The following ROS1 variants were observed in gnomAD, a reference collection of about 807,000 sequenced individuals.
ROS1 encodes the protein ROS proto-oncogene 1, receptor tyrosine kinase.
ROS1 carries 263 observed loss-of-function variants against 273.5 expected under a neutral mutation model. The ratio of observed to expected loss-of-function variants is 0.96; its 90% CI spans 0.87 to 1.06. ROS1 has a LOEUF of 1.06. Ranked by LOEUF, ROS1 falls within the 50% of genes least tolerant of loss-of-function variation. The pLI, the probability that ROS1 is intolerant of heterozygous loss-of-function variation, is 0.00. For synonymous variants in ROS1, 1,008 were observed against 954.1 expected, an observed-to-expected ratio of 1.06 and a Z score of -1.04; for missense variants, 2,833 against 2,751.1, an observed-to-expected ratio of 1.03 and a Z score of -0.67.
rs2128563211 is a variant in ROS1 at position 117,321,271 on chromosome 6, C to T, written c.5747G>A (p.Cys1916Tyr). The change falls in exon 36 of 44, where the codon TGC becomes TAC. Residue 1916 changes from cysteine (C) to tyrosine (Y), a missense_variant. Transcript: ENST00000368507. ...LAAGVGLANA[C>Y]YAIHTLPTQE... ...CAAAGCTACATACTGTATTGCATAG[C>T]AGGCATTAGCCAGGCCTACTCCGGC... The T allele has an allele frequency of 1.2e-6, 2 of 1,613,704 alleles. No individual in the cohort carries two copies. The highest frequency in any genetic ancestry group is 1.7e-6 in the Non-Finnish European group (2 of 1,179,832).
intron 43 of ROS1, among the ~76,000 whole-genome samples, chr6:117,289,292 T>A (rs1773657343): frequency 6.6e-6 from 1 of 152,256 alleles, no homozygotes; most frequent in Non-Finnish European, 1.5e-5. Flanking sequence ...TAATGTAATA[T>A]TTACTGATGA....
intron 4 of ROS1, among the ~76,000 whole-genome samples, chr6:117,410,230 C>T (rs1354303381): frequency 3.3e-5 from 5 of 152,130 alleles, no homozygotes; most frequent in African/African-American, 2.4e-5. Context: ...TGTGTCACAT[C>T]GTATGGTTTG....
At position 117,387,919 on chromosome 6, in the gene ROS1, A is replaced by T. The variant is rs762234724; in HGVS notation, c.1860T>A (p.Ile620=). The change falls in exon 14 of 44, where the codon ATT becomes ATA. Residue 620 remains isoleucine (I), a synonymous_variant. Coordinates refer to ENST00000368507, the MANE Select transcript of ROS1 (RefSeq NM_001378902.1). ...GCATGGTTCCACTTATGTTCAAGAA[A>T]ATATGAGTGACTTCAGGAGGGTCTT... ...STQDPPEVTH[I]FLNISGTMLN... 19 of 1,614,090 alleles carry T rather than the reference A, an allele frequency of 1.2e-5. No individual in the cohort carries two copies. Among genetic ancestry groups the T allele is most frequent in the Non-Finnish European group, 1.5e-5 (18 of 1,180,032 alleles).
intron 32 of ROS1, among the ~76,000 whole-genome samples, chr6:117,331,183 T>C (rs370039152): frequency 1.3e-5 from 2 of 152,214 alleles, no homozygotes; most frequent in East Asian, 1.9e-4. Flanking sequence ...GCACAAGAAC[T>C]TCGTGAAGCA....
At chr6:117,397,495 C>T (rs1465612119) in intron 7 of ROS1, among the ~76,000 whole-genome samples, 1 of 152,054 alleles carries the variant, frequency 6.6e-6, no homozygotes, top group Non-Finnish European at 1.5e-5. Context: ...AGTCAATGAT[C>T]GACGAGTTTA....
In ROS1 at chr6:117,389,764, T is replaced by C. The variant is rs772798392; in HGVS notation, c.1372A>G (p.Ile458Val). ...PSGRCAEAVR[I>V]VESCTLKDFA... Reference sequence around the variant, plus strand: ...TCCTTTAACGTGCAACTCTCCACAATACGCACAGCTTCTGCACACCGGCCA... The same window carrying C: ...TCCTTTAACGTGCAACTCTCCACAACACGCACAGCTTCTGCACACCGGCCA... Residue 458 changes from isoleucine to valine, a missense_variant, in exon 13 of 44, where the codon ATT becomes GTT. Transcript: ENST00000368507. 7.4e-6 allele frequency: 12 copies of C among 1,614,050 alleles called. No homozygotes were observed. Among genetic ancestry groups the C allele is most frequent in the Non-Finnish European group, 1.7e-6 (2 of 1,180,030 alleles).
At chr6:117,393,030 T>C (rs959430368) in intron 12 of ROS1, among the ~76,000 whole-genome samples, 194 bp downstream of exon 12, 18 of 152,308 alleles carry the variant, frequency 1.2e-4, no homozygotes, top group African/African-American at 4.3e-4. Flanking sequence ...TTATAAGAGT[T>C]GATTTATGTT....
chr6:117,341,213 T>C lies in ROS1; in HGVS notation c.4983A>G (p.Pro1661=). The C allele has an allele frequency of 6.2e-7, 1 of 1,613,570 alleles. No individual in the cohort carries two copies. Among genetic ancestry groups the C allele is most frequent in the Non-Finnish European group, 8.5e-7 (1 of 1,179,608 alleles). ...AATTAAATTGCAAACTAGTGTTCTC[T>C]GGAACCAAGGAATAAGGTTTCTCTG... ...NTPEKPYSLV[P]ENTSLQFNWK... Residue 1661 remains proline, a synonymous_variant, in exon 31 of 44, where the codon CCA becomes CCG. Coordinates refer to ENST00000368507, the MANE Select transcript of ROS1 (RefSeq NM_001378902.1).
rs182897747 is a variant in ROS1, at chr6:117,374,185, C to A, written c.2582+4874G>T. ...CAAAAAAGAGCCCATATAGCCAAAG[C>A]AAGACTAAGCAAAAAGAACAAATCT... On this transcript the variant is annotated intron_variant, in intron 18 of 43. Transcript: ENST00000368507. 3.1e-3 allele frequency among the ~76,000 whole-genome samples: 479 copies of A among 152,220 alleles called. 2 individuals are homozygous for A. Among genetic ancestry groups the A allele is most frequent in the African/African-American group, 0.011 (456 of 41,532 alleles).
Position 117,387,888 on chromosome 6 carries a change from C to A in ROS1, c.1891G>T (p.Val631Leu). 1 of 1,614,194 alleles carries A rather than the reference C, an allele frequency of 6.2e-7. No homozygotes were observed. Among genetic ancestry groups the A allele is most frequent in the Non-Finnish European group, 8.5e-7 (1 of 1,180,030 alleles). ...TTCATAGCACTCTGCAGCTCAGGTA[C>A]ATTCAGCATGGTTCCACTTATGTTC... ...FLNISGTMLN[V>L]PELQSAMKYK... Residue 631 changes from valine to leucine, a missense_variant, in exon 14 of 44, where the codon GTA becomes TTA. Val to Leu is a conservative substitution (Grantham distance 32, BLOSUM62 1). Transcript: ENST00000368507.
At chr6:117,300,829 C>T (rs1774660739) in intron 43 of ROS1, 145 bp downstream of exon 43, 3 of 517,546 alleles carry the variant, frequency 5.8e-6, no homozygotes, top group Non-Finnish European at 9.6e-6. Flanking sequence ...AAGAGGAATG[C>T]AATAAACACT....
At position 117,318,946 on chromosome 6, in the gene ROS1, A is replaced by G. The variant is rs1205819113; in HGVS notation, c.5923-694T>C. Among the ~76,000 whole-genome samples the G allele has an allele frequency of 3.3e-5, 5 of 152,176 alleles. 1 individual carries two copies. Among genetic ancestry groups the G allele is most frequent in the Non-Finnish European group, 7.4e-5 (5 of 68,020 alleles). Reference sequence around the variant, plus strand: ...TGACACACTATCCTGAACCAAAGCCAGCAGTCATCTTGTTACATGAGAGAA... The same window carrying G: ...TGACACACTATCCTGAACCAAAGCCGGCAGTCATCTTGTTACATGAGAGAA... On this transcript the variant is annotated intron_variant, in intron 37 of 43. Transcript: ENST00000368507.
chr6:117,371,993 G>C (rs1189585220), intron 18 of ROS1, among the ~76,000 whole-genome samples: 1 of 152,154 alleles, frequency 6.6e-6, no homozygotes, highest in Non-Finnish European at 1.5e-5. Flanking sequence ...AATCCTGGTA[G>C]CTGAAGACAA....
intron 1 of ROS1, among the ~76,000 whole-genome samples, chr6:117,425,215 T>C (rs373974344): frequency 2.0e-5 from 3 of 152,186 alleles, no homozygotes; most frequent in African/African-American, 4.8e-5. Context: ...CTAATGACTT[T>C]GTAATAAATA....
rs563022236 is a variant in ROS1 at position 117,382,240 on chromosome 6, A to G, written c.2481+1077T>C. Among the ~76,000 whole-genome samples the G allele has an allele frequency of 3.9e-5, 6 of 152,314 alleles. No individual in the cohort carries two copies. In the South Asian group the frequency reaches 1.2e-3, roughly 32 times the overall value. On this transcript the variant is annotated intron_variant, in intron 17 of 43. Coordinates refer to ENST00000368507, the MANE Select transcript of ROS1 (RefSeq NM_001378902.1). ...TTGACAAGAATGATTGTCTTTGGATATGGTACATAAATTTCCATCTCTTTT... is the reference window on the plus strand; with the variant it reads ...TTGACAAGAATGATTGTCTTTGGATGTGGTACATAAATTTCCATCTCTTTT...
Position 117,383,494 on chromosome 6 carries a change from A to G in ROS1, c.2304T>C (p.Ser768=), listed in dbSNP as rs1448937503. ...AGKTYVIQRQ[S]VLTGHTDIVT... is the part of the protein sequence containing the mutation. ...CAATGTCTGTGTGTCCCGTCAACAC[A>G]GACTGCCTTTGTATCTAAAAAACAT... The change falls in exon 17 of 44, where the codon TCT becomes TCC. Residue 768 remains serine, a synonymous_variant. Coordinates refer to ENST00000368507, the MANE Select transcript of ROS1 (RefSeq NM_001378902.1). The G allele has an allele frequency of 6.2e-7, 1 of 1,613,762 alleles. No individual in the cohort carries two copies. Among genetic ancestry groups the G allele is most frequent in the South Asian group, 1.1e-5 (1 of 91,046 alleles).
intron 7 of ROS1, among the ~76,000 whole-genome samples, chr6:117,402,878 ACT>A (rs1182563741): frequency 2.3e-5 from 3 of 131,064 alleles, no homozygotes; most frequent in Admixed American, 2.3e-4. Context: ...ACAGAGCAAG[ACT>A]CTGTCTCCAA....
At chr6:117,332,817 CA>C in intron 32 of ROS1, among the ~76,000 whole-genome samples, 1 of 152,044 alleles carries the variant, frequency 6.6e-6, no homozygotes, top group Non-Finnish European at 1.5e-5. Flanking sequence ...GACAATGTAC[CA>C]GAATCTCTGG....
rs1779032931 is a variant in ROS1 at position 117,353,281 on chromosome 6, T to G, written c.4127-115A>C. The G allele has an allele frequency of 4.2e-6, 3 of 708,712 alleles. No homozygotes were observed. The African/African-American group carries it at 5.4e-5, about 13-fold the overall frequency. The allele number at this position is 708,712 out of a possible 1,614,324, so 43.9% of individuals were successfully genotyped here. On this transcript the variant is annotated intron_variant, in intron 26 of 43. Transcript: ENST00000368507. ...AATTGCTAAATTTTGAATCTATTAT[T>G]TCAACATTAAAAAATACCTTTATTT...
Sources: gnomAD v4.1 joint callset for allele counts (sites outside exome capture counted in the v4.1 genomes callset) on GRCh38, gnomAD v4.1.1 for gene constraint, MANE v1.5 for transcripts, NCBI Gene and HGNC (gene_info 2026-07-23, HGNC 2026-07-21) for gene names.